Variants in XPR1 observed in about 807,000 individuals in gnomAD.
XPR1 encodes solute carrier family 53 member 1.
A neutral mutation model predicts 87.5 loss-of-function variants in XPR1; 28 were observed. That is an observed-to-expected ratio of 0.32 (90% CI 0.24 to 0.44). The LOEUF (loss-of-function observed/expected upper bound fraction) is 0.44, where lower values mean the gene tolerates loss of function less well. Among genes scored for constraint, XPR1 ranks in the 20% least tolerant of loss-of-function variants. The pLI is 1.00. For missense variants in XPR1, 559 were observed against 862.3 expected (o/e 0.65, Z 4.41); for synonymous variants, 300 against 306.1 (o/e 0.98, Z 0.21).
chr1:180,805,773 A>G (rs1649967939), intron 4 of XPR1, among the ~76,000 whole-genome samples: 1 of 152,266 alleles, frequency 6.6e-6, no homozygotes, highest in Non-Finnish European at 1.5e-5. Flanking sequence ...AACAGGAAAC[A>G]AAAACATTTT....
At chr1:180,866,451 T>TA (rs1415172270) in intron 12 of XPR1, among the ~76,000 whole-genome samples, 1 of 152,190 alleles carries the variant, frequency 6.6e-6, no homozygotes, top group Non-Finnish European at 1.5e-5. Context: ...TATTCACACT[T>TA]AATTTTTCTG....
intron 2 of XPR1, among the ~76,000 whole-genome samples, chr1:180,727,431 G>A (rs988792097): frequency 6.6e-6 from 1 of 152,224 alleles, no homozygotes; most frequent in Non-Finnish European, 1.5e-5. Flanking sequence ...ATCACCTGAG[G>A]TCAGGAGTTC....
intron 7 of XPR1, among the ~76,000 whole-genome samples, chr1:180,821,140 G>A (rs2102146399): frequency 6.6e-6 from 1 of 152,154 alleles, no homozygotes; most frequent in East Asian, 1.9e-4. Flanking sequence ...TCAAGGTCAT[G>A]AAGATTTATC....
chr1:180,656,638 A>ATATATATTTTATATATGTATG (rs1557941861), intron 1 of XPR1, among the ~76,000 whole-genome samples: 62 of 100,558 alleles, frequency 6.2e-4, no homozygotes, highest in African/African-American at 2.5e-3. Flanking sequence ...TGTATGTATA[A>ATATATATTTTATATATGTATG]TATATTATTA....
intron 2 of XPR1, among the ~76,000 whole-genome samples, chr1:180,770,851 T>A (rs1254166133): frequency 6.6e-6 from 1 of 152,158 alleles, no homozygotes; most frequent in Non-Finnish European, 1.5e-5. Flanking sequence ...TGGTTTTCTT[T>A]CCCAAGTCAA....
At chr1:180,800,658 C>T (rs961165857) in intron 3 of XPR1, among the ~76,000 whole-genome samples, 10 of 152,160 alleles carry the variant, frequency 6.6e-5, no homozygotes, top group African/African-American at 2.4e-4. Flanking sequence ...TGTTATACAA[C>T]AATGCAAAGC....
At chr1:180,737,437 AATC>A (rs1397562021) in intron 2 of XPR1, among the ~76,000 whole-genome samples, 1 of 152,162 alleles carries the variant, frequency 6.6e-6, no homozygotes, top group Non-Finnish European at 1.5e-5. Flanking sequence ...TTGAAATAGT[AATC>A]ATATAAATTG....
intron 2 of XPR1, among the ~76,000 whole-genome samples, chr1:180,703,673 T>G (rs1657442666): frequency 6.6e-6 from 1 of 152,168 alleles, no homozygotes. Context: ...ATTTTAAGAT[T>G]TATTAGCTTG....
At chr1:180,672,701 C>A (rs1378358281) in intron 1 of XPR1, among the ~76,000 whole-genome samples, 1 of 151,858 alleles carries the variant, frequency 6.6e-6, no homozygotes, top group Non-Finnish European at 1.5e-5. Context: ...AAACAGAATA[C>A]AAAAAGAGGA....
intron 3 of XPR1, among the ~76,000 whole-genome samples, chr1:180,796,489 A>G (rs1159956174): frequency 6.6e-6 from 1 of 152,230 alleles, no homozygotes; most frequent in Non-Finnish European, 1.5e-5. Flanking sequence ...TAAAGAAAGT[A>G]GCAAAATACA....
chr1:180,862,894 A>G (rs193003458), intron 11 of XPR1, among the ~76,000 whole-genome samples: 43 of 152,230 alleles, frequency 2.8e-4, no homozygotes, highest in African/African-American at 9.4e-4. Flanking sequence ...ACACCTAGAG[A>G]CATTTCACAA....
chr1:180,695,038 C>T (rs544937062), intron 2 of XPR1, among the ~76,000 whole-genome samples: 1 of 152,242 alleles, frequency 6.6e-6, no homozygotes, highest in South Asian at 2.1e-4. Flanking sequence ...CCCCTTTTCT[C>T]TGCATCTTCA....
chr1:180,813,601 G>A (rs1188352362), intron 7 of XPR1, among the ~76,000 whole-genome samples: 3 of 152,114 alleles, frequency 2.0e-5, no homozygotes, highest in South Asian at 4.2e-4. Flanking sequence ...AAGTATTGGG[G>A]AAGTTTGGCT....
intron 3 of XPR1, among the ~76,000 whole-genome samples, chr1:180,791,658 T>G (rs1649393830): frequency 6.6e-6 from 1 of 152,258 alleles, no homozygotes; most frequent in Non-Finnish European, 1.5e-5. Context: ...TGTATGCATC[T>G]ATATGTGTGT....
chr1:180,689,068 GA>G (rs1656893673), intron 2 of XPR1, among the ~76,000 whole-genome samples: 1 of 151,996 alleles, frequency 6.6e-6, no homozygotes, highest in African/African-American at 2.4e-5. Flanking sequence ...ATTTGTGATG[GA>G]AAAATATGAG....
intron 11 of XPR1, among the ~76,000 whole-genome samples, chr1:180,845,079 T>C (rs1317131887): frequency 2.0e-5 from 3 of 152,168 alleles, no homozygotes; most frequent in Non-Finnish European, 4.4e-5. Flanking sequence ...AACAGTTAAT[T>C]TTGTAGAATA....
At chr1:180,690,255 A>C (rs1428606768) in intron 2 of XPR1, among the ~76,000 whole-genome samples, 1 of 152,218 alleles carries the variant, frequency 6.6e-6, no homozygotes, top group Non-Finnish European at 1.5e-5. Flanking sequence ...GGATAGAAGA[A>C]GACATTATTT....
intron 2 of XPR1, among the ~76,000 whole-genome samples, chr1:180,713,550 G>A (rs1311545319): frequency 6.6e-6 from 1 of 152,148 alleles, no homozygotes; most frequent in Non-Finnish European, 1.5e-5. Context: ...GTGTGAGTGG[G>A]CATCCCTTGT....
intron 2 of XPR1, among the ~76,000 whole-genome samples, chr1:180,768,640 A>G (rs772345849): frequency 5.9e-5 from 9 of 152,246 alleles, no homozygotes; most frequent in East Asian, 1.9e-4. Context: ...TCTGAGGAGC[A>G]CATAAGCACC....
Sources: gnomAD v4.1 joint callset for allele counts (sites outside exome capture counted in the v4.1 genomes callset) on GRCh38, gnomAD v4.1.1 for gene constraint, MANE v1.5 for transcripts, NCBI Gene and HGNC (gene_info 2026-07-23, HGNC 2026-07-21) for gene names.